The following MYO9A variants were observed in gnomAD, a reference collection of about 807,000 sequenced individuals.
MYO9A encodes the protein unconventional myosin-IXa.
In MYO9A, 103 loss-of-function variants were observed where a neutral mutation model predicts 293.3. That is an observed-to-expected ratio of 0.35 (90% confidence interval 0.30 to 0.41). The LOEUF (loss-of-function observed/expected upper bound fraction) is 0.41, where lower values mean the gene tolerates loss of function less well. MYO9A is among the 10% of genes least tolerant of loss of function. The pLI is 1.00. For synonymous variants in MYO9A, 1,001 were observed against 1,035.7 expected (o/e 0.97, Z 0.64); for missense variants, 2,685 against 3,033.0 (o/e 0.89, Z 2.69).
At chr15:71,856,918 T>C (rs2055886951) in intron 34 of MYO9A, among the ~76,000 whole-genome samples, 1 of 152,194 alleles carries the variant, frequency 6.6e-6, no homozygotes, top group Non-Finnish European at 1.5e-5. Context: ...CAGAGGGTTG[T>C]TGTAGAGATT....
rs1293284306 is a variant in MYO9A, at chr15:71,935,288, C to T, written c.2522+53G>A. On this transcript the variant is annotated intron_variant, in intron 17 of 41. Coordinates refer to ENST00000356056, the MANE Select transcript of MYO9A (RefSeq NM_006901.4). ...ATTTTTTTCTGCCAGAAATTTTAAA[C>T]CAGACAAAAAACAAAAAACAAAAAA... 2.3e-5 allele frequency: 34 copies of T among 1,494,990 alleles called. 1 individual carries two copies. In the Middle Eastern group the frequency reaches 5.4e-4, roughly 24 times the overall value. 92.6% of individuals were successfully genotyped at this position (1,494,990 alleles called of 1,614,324 possible).
intron 21 of MYO9A, 111 bp from the exon 22 acceptor site, chr15:71,903,174 AC>A: frequency 1.1e-6 from 1 of 893,302 alleles, no homozygotes; most frequent in South Asian, 1.7e-5. Context: ...ACAGGGTGAA[AC>A]CAAGACGTGC....
chr15:72,105,767 A>C (rs986208110), intron 1 of MYO9A, among the ~76,000 whole-genome samples: 2 of 152,106 alleles, frequency 1.3e-5, no homozygotes, highest in African/African-American at 4.8e-5. Context: ...TCGGCCTCCC[A>C]AAGTGCTGGG....
chr15:71,862,101 C>T (rs2056157945), intron 33 of MYO9A, among the ~76,000 whole-genome samples: 1 of 152,150 alleles, frequency 6.6e-6, no homozygotes, highest in African/African-American at 2.4e-5. Context: ...CACTGCACTC[C>T]AGCCTGGGCG....
In MYO9A at chr15:71,852,140, C is replaced by G. The variant is rs764515575; in HGVS notation, c.6467G>C (p.Arg2156Pro). 9.9e-6 allele frequency: 16 copies of G among 1,611,368 alleles called. No individual in the cohort carries two copies. Among genetic ancestry groups the G allele is most frequent in the Non-Finnish European group, 1.4e-5 (16 of 1,178,354 alleles). ...AGGAAGCCTATGCTTACCCATAGCT[C>G]GAAGAAATTCCTCATAGAGTTCAAA... ...MTFELYEEFL[R>P]AMGLQERKET... The change falls in exon 36 of 42, where the codon CGA (arginine) becomes CCA (proline). Residue 2156 changes from arginine to proline, a missense_variant. Arg to Pro is a moderately radical substitution (Grantham distance 103). Coordinates refer to ENST00000356056, the MANE Select transcript of MYO9A (RefSeq NM_006901.4).
At chr15:71,881,754 CA>C (rs2056880289) in intron 28 of MYO9A, among the ~76,000 whole-genome samples, 1 of 152,076 alleles carries the variant, frequency 6.6e-6, no homozygotes, top group Admixed American at 6.6e-5. Context: ...AGCAAACACA[CA>C]ACAAAGTCTG....
chr15:71,948,163 G>T (rs1022152827), intron 15 of MYO9A, among the ~76,000 whole-genome samples: 1 of 152,078 alleles, frequency 6.6e-6, no homozygotes, highest in African/African-American at 2.4e-5. Flanking sequence ...TTATGAAGGG[G>T]GCAGTATCAA....
chr15:71,963,434 G>C (rs2075793111), intron 13 of MYO9A, among the ~76,000 whole-genome samples: 1 of 150,848 alleles, frequency 6.6e-6, no homozygotes, highest in Non-Finnish European at 1.5e-5. Flanking sequence ...ATCAGAACCA[G>C]AGTTACGACT....
At chr15:72,102,950 A>G (rs2080408492) in intron 1 of MYO9A, among the ~76,000 whole-genome samples, 1 of 151,422 alleles carries the variant, frequency 6.6e-6, no homozygotes. Flanking sequence ...GAATCTACAG[A>G]TAAATTCAAA....
chr15:71,912,709 TCA>T (rs1479955869), intron 19 of MYO9A, among the ~76,000 whole-genome samples: 8 of 152,250 alleles, frequency 5.3e-5, no homozygotes, highest in African/African-American at 1.9e-4. Flanking sequence ...ATAAATTCTC[TCA>T]GCTTTTTTGG....
intron 9 of MYO9A, 54 bp downstream of exon 9, chr15:71,999,797 C>T: frequency 1.4e-6 from 2 of 1,467,374 alleles, no homozygotes; most frequent in Non-Finnish European, 1.9e-6. Context: ...AACTTCAAAC[C>T]TAAACTTCTA....
chr15:71,951,559 G>T, intron 15 of MYO9A: 1 of 474,494 alleles, frequency 2.1e-6, no homozygotes, highest in South Asian at 5.4e-5. Flanking sequence ...ACAATCCAAT[G>T]ATCACAGGCA....
chr15:71,888,529 A>T (rs1029081014), intron 26 of MYO9A: 1 of 152,970 alleles, frequency 6.5e-6, no homozygotes, highest in African/African-American at 2.4e-5. Context: ...TAAGTTCTTC[A>T]TATATCTAAT....
At chr15:71,956,718 A>G (rs889564909) in intron 14 of MYO9A, among the ~76,000 whole-genome samples, 1 of 149,196 alleles carries the variant, frequency 6.7e-6, no homozygotes, top group Non-Finnish European at 1.5e-5. Flanking sequence ...TGTGTAGCAT[A>G]TGCATTAGCA....
chr15:72,077,744 AAAAAAAAAAT>A (rs1372522981), intron 1 of MYO9A, among the ~76,000 whole-genome samples: 82 of 41,316 alleles, frequency 2.0e-3, no homozygotes, highest in African/African-American at 4.7e-3. Flanking sequence ...AAAAAAAAAA[AAAAAAAAAAT>A]ATATATATAT....
At chr15:72,076,636 G>A (rs2079360693) in intron 1 of MYO9A, among the ~76,000 whole-genome samples, 1 of 152,132 alleles carries the variant, frequency 6.6e-6, no homozygotes, top group Admixed American at 6.5e-5. Context: ...TTCAAGAAGA[G>A]GAAGACTCAG....
intron 1 of MYO9A, among the ~76,000 whole-genome samples, chr15:72,099,817 G>A (rs1385547778): frequency 6.9e-6 from 1 of 144,300 alleles, no homozygotes; most frequent in African/African-American, 2.6e-5. Context: ...CAGGAGAACT[G>A]CTTGAACCCA....
chr15:71,849,534 A>T (rs1036620114), intron 38 of MYO9A, among the ~76,000 whole-genome samples: 10 of 152,142 alleles, frequency 6.6e-5, no homozygotes, highest in Non-Finnish European at 1.2e-4. Context: ...ACGCTACACC[A>T]ATTAAATCAG....
At chr15:71,957,833 T>C (rs185852630) in intron 14 of MYO9A, among the ~76,000 whole-genome samples, 64 of 152,316 alleles carry the variant, frequency 4.2e-4, no homozygotes, top group African/African-American at 1.5e-3. Flanking sequence ...CTCATCCTGA[T>C]GGCACAGCTG....
Sources: gnomAD v4.1 joint callset for allele counts (sites outside exome capture counted in the v4.1 genomes callset) on GRCh38, gnomAD v4.1.1 for gene constraint, MANE v1.5 for transcripts, NCBI Gene and HGNC (gene_info 2026-07-23, HGNC 2026-07-21) for gene names.